ARHGEF4: variants seen among roughly 807,000 people sequenced by gnomAD.
ARHGEF4 encodes Rho guanine nucleotide exchange factor 4, also known as APC-stimulated guanine nucleotide exchange factor 1.
ARHGEF4 carries 119 observed loss-of-function variants against 162.0 expected under a neutral mutation model. The observed-to-expected ratio is 0.73, with a 90% CI of 0.63 to 0.86. The LOEUF (loss-of-function observed/expected upper bound fraction) is 0.86, where lower values mean the gene tolerates loss of function less well. Ranked by LOEUF, ARHGEF4 falls within the 40% of genes least tolerant of loss-of-function variation. The pLI is 0.00. For synonymous variants in ARHGEF4, 1,014 were observed against 979.9 expected, an observed-to-expected ratio of 1.03 and a Z score of -0.65; for missense variants, 2,488 against 2,456.0, an observed-to-expected ratio of 1.01 and a Z score of -0.28.
At chr2:130,944,417 T>C (rs944729975) in intron 3 of ARHGEF4, among the ~76,000 whole-genome samples, 1 of 152,248 alleles carries the variant, frequency 6.6e-6, no homozygotes, top group African/African-American at 2.4e-5. Context: ...CCTTTGTTGT[T>C]GTCACACAGG....
At chr2:130,856,183 A>G (rs1681771975) in intron 1 of ARHGEF4, among the ~76,000 whole-genome samples, 2 of 152,238 alleles carry the variant, frequency 1.3e-5, no homozygotes, top group Non-Finnish European at 2.9e-5. Flanking sequence ...TGTTAAAGAT[A>G]TGGAAAATAT....
chr2:130,957,362 A>G (rs1234736425), intron 4 of ARHGEF4, among the ~76,000 whole-genome samples: 3 of 152,182 alleles, frequency 2.0e-5, no homozygotes, highest in African/African-American at 7.2e-5. Context: ...AAGTGAAAGA[A>G]GCCAGGCTCA....
chr2:130,913,513 T>C (rs1367460353), intron 1 of ARHGEF4, among the ~76,000 whole-genome samples: 1 of 152,254 alleles, frequency 6.6e-6, no homozygotes, highest in African/African-American at 2.4e-5. Context: ...TTTTGTGTTT[T>C]TTTGTTGTTG....
chr2:131,021,387 C>G (rs192194645), intron 4 of ARHGEF4, among the ~76,000 whole-genome samples: 9 of 152,212 alleles, frequency 5.9e-5, no homozygotes, highest in Admixed American at 3.3e-4. Flanking sequence ...GGAAAGGATT[C>G]CCCATTTAAT....
chr2:131,046,472 G>A lies in ARHGEF4; in HGVS notation c.*283G>A, dbSNP rs1691274840. The A allele has an allele frequency of 7.9e-6, 3 of 379,570 alleles. No homozygotes were observed. The highest frequency in any genetic ancestry group is 4.5e-5 in the East Asian group (1 of 22,272). The allele number at this position is 379,570 out of a possible 1,614,324, so 23.5% of individuals were successfully genotyped here. A position where few individuals can be genotyped will look rare whatever the true frequency, so the allele number is the denominator to read the frequency against. On this transcript the variant is annotated 3_prime_UTR_variant, in exon 14 of 14. Coordinates refer to ENST00000409359, the MANE Select transcript of ARHGEF4 (RefSeq NM_001367493.1). The stretch of plus-strand genomic sequence containing the variant: ...CTCTGGACCTGTGTAGGGCCTCACT[G>A]CTGGAGCGGGGAAACCGCAGCTCAG...
At chr2:131,018,338 C>T (rs114307860) in intron 4 of ARHGEF4, among the ~76,000 whole-genome samples, 1,811 of 152,158 alleles carry the variant, frequency 0.012, 33 homozygotes, top group African/African-American at 0.041. Flanking sequence ...TTAGTGATGT[C>T]GTATGTCCTT....
intron 13 of ARHGEF4, 113 bp from the exon 14 acceptor site, chr2:131,045,925 T>A: frequency 6.7e-7 from 1 of 1,499,168 alleles, no homozygotes. Context: ...CAAAACTGCC[T>A]CCTACGGCGG....
chr2:130,920,026 G>T (rs774428914), intron 2 of ARHGEF4, among the ~76,000 whole-genome samples: 3 of 152,236 alleles, frequency 2.0e-5, no homozygotes, highest in Non-Finnish European at 4.4e-5. Context: ...GGATGGAGCA[G>T]GTGCTTTGGG....
intron 1 of ARHGEF4, among the ~76,000 whole-genome samples, chr2:130,884,441 C>T (rs1349206698): frequency 6.6e-6 from 1 of 152,098 alleles, no homozygotes; most frequent in Non-Finnish European, 1.5e-5. Flanking sequence ...TTCTCTATGT[C>T]TCAGTGTATT....
chr2:130,956,080 C>CAG (rs1684251803), intron 4 of ARHGEF4, among the ~76,000 whole-genome samples: 1 of 152,226 alleles, frequency 6.6e-6, no homozygotes, highest in African/African-American at 2.4e-5. Flanking sequence ...GCTTGCCTCT[C>CAG]CTGGCATGGA....
intron 4 of ARHGEF4, among the ~76,000 whole-genome samples, chr2:130,988,200 C>G (rs1213967288): frequency 6.6e-6 from 1 of 152,164 alleles, no homozygotes; most frequent in African/African-American, 2.4e-5. Flanking sequence ...GGTGAGTGCC[C>G]TGGGAGTCTG....
At chr2:131,027,331 C>G (rs938243256) in intron 4 of ARHGEF4, among the ~76,000 whole-genome samples, 2 of 152,134 alleles carry the variant, frequency 1.3e-5, no homozygotes, top group African/African-American at 4.8e-5. Context: ...GCATAACTGA[C>G]AGAACTAAAT....
At position 131,041,926 on chromosome 2, in the gene ARHGEF4, C is replaced by T. The variant is rs778876974; in HGVS notation, c.5007C>T (p.Ser1669=). 19 of 1,613,538 alleles carry T rather than the reference C, an allele frequency of 1.2e-5. No individual in the cohort carries two copies. Among genetic ancestry groups the T allele is most frequent in the Non-Finnish European group, 1.6e-5 (19 of 1,180,000 alleles). ...ENIDKIAQWQ[S]SIEDWEGEDL... ...TCGACAAGATTGCTCAGTGGCAGAG[C>T]TCCATAGAGGACTGGGAGGTGAGGG... is the stretch of plus-strand genomic sequence containing the variant. Residue 1669 remains serine (S), a synonymous_variant, in exon 10 of 14, where the codon AGC becomes AGT. Coordinates refer to ENST00000409359, the MANE Select transcript of ARHGEF4 (RefSeq NM_001367493.1).
chr2:130,993,975 TC>T (rs1416013125), intron 4 of ARHGEF4, among the ~76,000 whole-genome samples: 1 of 152,192 alleles, frequency 6.6e-6, no homozygotes, highest in East Asian at 1.9e-4. Context: ...AGATGGGGTT[TC>T]ACCATGTTGG....
intron 5 of ARHGEF4, among the ~76,000 whole-genome samples, chr2:131,033,398 C>A (rs545047110): frequency 6.6e-6 from 1 of 152,326 alleles, no homozygotes; most frequent in African/African-American, 2.4e-5. Flanking sequence ...GAAGAACCAA[C>A]CCCTGCCTGC....
At chr2:131,038,639 C>T (rs922973810) in intron 5 of ARHGEF4, among the ~76,000 whole-genome samples, 2 of 152,238 alleles carry the variant, frequency 1.3e-5, no homozygotes, top group Non-Finnish European at 2.9e-5. Context: ...AGTTCACTTC[C>T]GGCTCCATCA....
chr2:131,040,521 C>T, intron 8 of ARHGEF4, 81 bp downstream of exon 8: 1 of 1,446,952 alleles, frequency 6.9e-7, no homozygotes, highest in Non-Finnish European at 9.2e-7. Context: ...CAGCGGGTGG[C>T]TGGTCCCAAA....
intron 3 of ARHGEF4, among the ~76,000 whole-genome samples, chr2:130,935,415 G>A (rs1682885592): frequency 6.6e-6 from 1 of 152,004 alleles, no homozygotes; most frequent in Admixed American, 6.6e-5. Flanking sequence ...TTAGCTTTGG[G>A]GTTAGTTTGT....
At chr2:130,961,891 G>T (rs553612266) in intron 4 of ARHGEF4, among the ~76,000 whole-genome samples, 3 of 152,162 alleles carry the variant, frequency 2.0e-5, no homozygotes, top group African/African-American at 7.2e-5. Context: ...ACCCCATGCA[G>T]AAGAGCCTGC....
Sources: gnomAD v4.1 joint callset for allele counts (sites outside exome capture counted in the v4.1 genomes callset) on GRCh38, gnomAD v4.1.1 for gene constraint, MANE v1.5 for transcripts, NCBI Gene and HGNC (gene_info 2026-07-23, HGNC 2026-07-21) for gene names.